The following KIAA2013 variants were observed in gnomAD, a reference collection of about 807,000 sequenced individuals.
KIAA2013 encodes uncharacterized protein KIAA2013.
In KIAA2013, 20 loss-of-function variants were observed where a neutral mutation model predicts 39.9. The observed-to-expected ratio is 0.50, with a 90% CI of 0.35 to 0.73. KIAA2013 has a LOEUF of 0.73. Ranked by LOEUF, KIAA2013 falls within the 30% of genes least tolerant of loss-of-function variation. The pLI is 0.01. For missense variants in KIAA2013, 587 were observed against 856.1 expected (o/e 0.69, Z 3.92); for synonymous variants, 336 against 416.6 (o/e 0.81, Z 2.35).
chr1:11,925,231 A>C lies in KIAA2013; in HGVS notation c.1007T>G (p.Leu336Arg), dbSNP rs147432421. 5.1e-4 allele frequency: 815 copies of C among 1,597,612 alleles called. No homozygotes were observed. Among genetic ancestry groups the C allele is most frequent in the Non-Finnish European group, 6.5e-4 (764 of 1,171,142 alleles). Residue 336 changes from leucine to arginine, a missense_variant, in exon 1 of 3, where the codon CTC (leucine) becomes CGC (arginine). Coordinates refer to ENST00000376572, the MANE Select transcript of KIAA2013 (RefSeq NM_138346.3). The surrounding 1 kb of genome is among the most constrained non-coding windows in gnomAD (Gnocchi z 5.2). ...TGGGCTGAAGAGCTGAGCCCAGAGG[A>C]GCTGGTGGTCTTGAAGCAGCTCCGC... ...PAAELLQDHQLLWAQLFSPGV... is the reference protein window; with the variant it reads ...PAAELLQDHQRLWAQLFSPGV...
Position 11,922,898 on chromosome 1 carries a change from G to T in KIAA2013, c.1625C>A (p.Thr542Asn). 6.2e-7 allele frequency: 1 copy of T among 1,612,070 alleles called. No individual in the cohort carries two copies. The highest frequency in any genetic ancestry group is 8.5e-7 in the Non-Finnish European group (1 of 1,178,870). ...GGGCTGTGTCACCATGACCGAGAAG[G>T]TGTGGCCCGTGGGCGCCGAGGTCAG... ...VELTSAPTGH[T>N]FSVMVTQPIT... Residue 542 changes from threonine (T) to asparagine (N), a missense_variant, in exon 2 of 3, where the codon ACC (threonine) becomes AAC (asparagine). Physicochemically the swap from Thr to Asn is moderately conservative, Grantham distance 65. Transcript: ENST00000376572.
chr1:11,925,700 C>T lies in KIAA2013; in HGVS notation c.538G>A (p.Gly180Arg), dbSNP rs1303516524. 9.4e-6 allele frequency: 15 copies of T among 1,589,462 alleles called. No homozygotes were observed. Among genetic ancestry groups the T allele is most frequent in the African/African-American group, 1.3e-5 (1 of 74,716 alleles). ...AGCAGCACGCAGTCGCGGCCGGACC[C>T]CGCGGCAAGGCCAGAGACGGAGGCG... ...GPASVSGLAA[G>R]SGRDCVLLQE... The change falls in exon 1 of 3, where the codon GGG becomes AGG. Residue 180 changes from glycine (G) to arginine (R), a missense_variant. By Grantham distance (125) the Gly-to-Arg change is moderately radical (BLOSUM62 -2). Coordinates refer to ENST00000376572, the MANE Select transcript of KIAA2013 (RefSeq NM_138346.3). The surrounding 1 kb of genome is among the most constrained non-coding windows in gnomAD (Gnocchi z 5.2).
chr1:11,921,572 C>G (rs1012619188), intron 2 of KIAA2013, among the ~76,000 whole-genome samples: 1 of 151,628 alleles, frequency 6.6e-6, no homozygotes, highest in Admixed American at 6.6e-5. Context: ...TTTTTTGAGA[C>G]AGAGTCTCAC....
At position 11,923,359 on chromosome 1, in the gene KIAA2013, G is replaced by A. The variant is rs746334208; in HGVS notation, c.1164C>T (p.Asp388=). ...CATAGTTGAGCGTCGACTCCATCTG[G>A]TCTCGCTCCCTGTGGCTCAGGGAGG... ...LSPSLSHRER[D]QMESTLNYED... Residue 388 remains aspartate (D), a synonymous_variant, in exon 2 of 3, where the codon GAC becomes GAT. Transcript: ENST00000376572. The surrounding 1 kb of genome is among the most constrained non-coding windows in gnomAD (Gnocchi z 4.6). 3 of 1,613,346 alleles carry A rather than the reference G, an allele frequency of 1.9e-6. No homozygotes were observed. Among genetic ancestry groups the A allele is most frequent in the Non-Finnish European group, 2.5e-6 (3 of 1,180,028 alleles).
At position 11,926,093 on chromosome 1, in the gene KIAA2013, G is replaced by A; in HGVS notation, c.145C>T (p.Leu49=). 1 of 1,431,206 alleles carries A rather than the reference G, an allele frequency of 7.0e-7. No individual in the cohort carries two copies. Among genetic ancestry groups the A allele is most frequent in the Non-Finnish European group, 9.2e-7 (1 of 1,091,442 alleles). The allele number at this position is 1,431,206 out of a possible 1,614,324, so 88.7% of individuals were successfully genotyped here. Residue 49 remains leucine (L), a synonymous_variant, in exon 1 of 3, where the codon CTG becomes TTG. Transcript: ENST00000376572. ...GARRAAGGLH[L]LPWSRGEPGA... ...GGCTCACCGCGGGACCAGGGCAGCA[G>A]GTGCAGGCCGCCCGCCGCCCGCCGC...
Position 11,925,182 on chromosome 1 carries a change from A to C in KIAA2013, c.1033+23T>G. The C allele has an allele frequency of 1.3e-6, 2 of 1,543,050 alleles. No homozygotes were observed. Among genetic ancestry groups the C allele is most frequent in the Non-Finnish European group, 1.7e-6 (2 of 1,144,906 alleles). On this transcript the variant is annotated intron_variant, in intron 1 of 2. Coordinates refer to ENST00000376572, the MANE Select transcript of KIAA2013 (RefSeq NM_138346.3). This position sits in a 1 kb window ranked among gnomAD's most constrained non-coding sequence, Gnocchi z 5.2. ...CTTGGGAGGGACATATCTAGGGTGG[A>C]CCAAGCGCTGGCCAGGACTCACCTG...
chr1:11,922,149 C>G (rs1390152984), intron 2 of KIAA2013: 1 of 169,344 alleles, frequency 5.9e-6, no homozygotes, highest in Non-Finnish European at 1.1e-5. Context: ...GGCCCTGCCT[C>G]TAATTTTTTT....
At position 11,923,554 on chromosome 1, in the gene KIAA2013, A is replaced by G; in HGVS notation, c.1034-65T>C. The G allele has an allele frequency of 1.3e-6, 2 of 1,537,408 alleles. No individual in the cohort carries two copies. Among genetic ancestry groups the G allele is most frequent in the Non-Finnish European group, 1.8e-6 (2 of 1,131,644 alleles). On this transcript the variant is annotated intron_variant, in intron 1 of 2. Transcript: ENST00000376572. The surrounding 1 kb of genome is among the most constrained non-coding windows in gnomAD (Gnocchi z 4.6). ...AGCTGGGAGGCAGAGCATACGAAAT[A>G]AAGACCAAGGGCAGCAGAAGAGTGA...
At chr1:11,921,351 C>T (rs1327467681) in intron 2 of KIAA2013, among the ~76,000 whole-genome samples, 3 of 152,012 alleles carry the variant, frequency 2.0e-5, no homozygotes, top group Admixed American at 6.6e-5. Flanking sequence ...AACTTGAGGG[C>T]AATGCTTCTG....
rs750784762 is a variant in KIAA2013 at position 11,925,155 on chromosome 1, G to C, written c.1033+50C>G. 52 of 1,496,122 alleles carry C rather than the reference G, an allele frequency of 3.5e-5. No homozygotes were observed. Among genetic ancestry groups the C allele is most frequent in the Non-Finnish European group, 4.6e-5 (51 of 1,116,666 alleles). The allele number at this position is 1,496,122 out of a possible 1,614,324, so 92.7% of individuals were successfully genotyped here. ...CATCACCTTCAGTGTCACCTCTGCAGACTTGGGAGGGACATATCTAGGGTG... is the reference window on the plus strand; with the variant it reads ...CATCACCTTCAGTGTCACCTCTGCACACTTGGGAGGGACATATCTAGGGTG... On this transcript the variant is annotated intron_variant, in intron 1 of 2. Coordinates refer to ENST00000376572, the MANE Select transcript of KIAA2013 (RefSeq NM_138346.3). This position sits in a 1 kb window ranked among gnomAD's most constrained non-coding sequence, Gnocchi z 5.2.
chr1:11,923,188 C>T lies in KIAA2013; in HGVS notation c.1335G>A (p.Val445=). The change falls in exon 2 of 3, where the codon GTG becomes GTA. Residue 445 remains valine (V), a synonymous_variant. Coordinates refer to ENST00000376572, the MANE Select transcript of KIAA2013 (RefSeq NM_138346.3). This position sits in a 1 kb window ranked among gnomAD's most constrained non-coding sequence, Gnocchi z 4.6. ...QKRGCKGLVK[V]GAPGILQGMV... ...TCCCCTGCAGGATGCCTGGGGCACC[C>T]ACCTTCACCAGCCCCTTGCAGCCAC... 1 of 1,613,690 alleles carries T rather than the reference C, an allele frequency of 6.2e-7. No individual in the cohort carries two copies. Among genetic ancestry groups the T allele is most frequent in the African/African-American group, 1.3e-5 (1 of 75,050 alleles).
At position 11,923,369 on chromosome 1, in the gene KIAA2013, C is replaced by T; in HGVS notation, c.1154G>A (p.Arg385Lys). Residue 385 changes from arginine (R) to lysine (K), a missense_variant, in exon 2 of 3, where the codon AGG becomes AAG. Coordinates refer to ENST00000376572, the MANE Select transcript of KIAA2013 (RefSeq NM_138346.3). This position sits in a 1 kb window ranked among gnomAD's most constrained non-coding sequence, Gnocchi z 4.6. ...CGTCGACTCCATCTGGTCTCGCTCCCTGTGGCTCAGGGAGGGGCTGAGCAG... is the reference window on the plus strand; with the variant it reads ...CGTCGACTCCATCTGGTCTCGCTCCTTGTGGCTCAGGGAGGGGCTGAGCAG... ...APLLSPSLSH[R>K]ERDQMESTLN... is the part of the protein sequence containing the mutation. 1 of 1,613,348 alleles carries T rather than the reference C, an allele frequency of 6.2e-7. No homozygotes were observed. Among genetic ancestry groups the T allele is most frequent in the South Asian group, 1.1e-5 (1 of 91,074 alleles).
Position 11,926,048 on chromosome 1 carries a change from C to G in KIAA2013, c.190G>C (p.Ala64Pro). ...RGEPGAAEPSACLEAATRAWR... is the reference protein window; with the variant it reads ...RGEPGAAEPSPCLEAATRAWR... ...GCGCGGGTGGCCGCCTCCAGGCAGG[C>G]AGACGGCTCGGCGGCGCCCGGCTCA... is the stretch of plus-strand genomic sequence containing the variant. Residue 64 changes from alanine (A) to proline (P), a missense_variant, in exon 1 of 3, where the codon GCC becomes CCC. Ala to Pro is a conservative substitution (Grantham distance 27, BLOSUM62 -1). Transcript: ENST00000376572. 2 of 1,487,136 alleles carry G rather than the reference C, an allele frequency of 1.3e-6. No individual in the cohort carries two copies. The highest frequency in any genetic ancestry group is 2.5e-5 in the South Asian group (2 of 78,876). 92.1% of individuals were successfully genotyped at this position (1,487,136 alleles called of 1,614,324 possible).
intron 2 of KIAA2013, among the ~76,000 whole-genome samples, chr1:11,920,610 G>A (rs1471211678): frequency 1.3e-5 from 2 of 152,212 alleles, no homozygotes; most frequent in Non-Finnish European, 2.9e-5. Context: ...AGGAACCGAA[G>A]GTGCACTCAA....
Position 11,925,777 on chromosome 1 carries a change from C to A in KIAA2013, c.461G>T (p.Cys154Phe), listed in dbSNP as rs1256109077. The A allele has an allele frequency of 2.6e-6, 4 of 1,544,520 alleles. No individual in the cohort carries two copies. The highest frequency in any genetic ancestry group is 1.9e-5 in the Admixed American group (1 of 51,792). Reference sequence around the variant, plus strand: ...AGGACCTGGGGACCCCAGCTGCAGGCAACGCACGCGGCGCAGAAGCCCCTC... The same window carrying A: ...AGGACCTGGGGACCCCAGCTGCAGGAAACGCACGCGGCGCAGAAGCCCCTC... The part of the protein sequence containing the change: ...LREGLLRRVR[C>F]LQLGSPGPGP... Residue 154 changes from cysteine to phenylalanine, a missense_variant, in exon 1 of 3, where the codon TGC (cysteine) becomes TTC (phenylalanine). Cys to Phe is a radical substitution (Grantham distance 205). Transcript: ENST00000376572. This position sits in a 1 kb window ranked among gnomAD's most constrained non-coding sequence, Gnocchi z 5.2.
rs1364311724 is a variant in KIAA2013 at position 11,923,942 on chromosome 1, T to G, written c.1034-453A>C. The stretch of plus-strand genomic sequence containing the variant: ...CAGGCTTGAGTGCAGTGGAACGATC[T>G]CAGGTTACTACAGCCTCCGCCTCCC... On this transcript the variant is annotated intron_variant, in intron 1 of 2. Transcript: ENST00000376572. This position sits in a 1 kb window ranked among gnomAD's most constrained non-coding sequence, Gnocchi z 4.6. Among the ~76,000 whole-genome samples, 4 of 152,172 alleles carry G rather than the reference T, an allele frequency of 2.6e-5. No individual in the cohort carries two copies.
rs1645497863 is a variant in KIAA2013, at chr1:11,925,123, A to AC, written c.1033+81dup. On this transcript the variant is annotated intron_variant, in intron 1 of 2. Coordinates refer to ENST00000376572, the MANE Select transcript of KIAA2013 (RefSeq NM_138346.3). This position sits in a 1 kb window ranked among gnomAD's most constrained non-coding sequence, Gnocchi z 5.2. ...GAAACGCCAAGCCCAAGTTTCAACC[A>AC]CCCCACCATCACCTTCAGTGTCACC... The AC allele has an allele frequency of 3.0e-6, 4 of 1,336,254 alleles. No homozygotes were observed. The highest frequency in any genetic ancestry group is 3.0e-5 in the South Asian group (2 of 67,442). The allele number at this position is 1,336,254 out of a possible 1,614,324, so 82.8% of individuals were successfully genotyped here.
At position 11,925,407 on chromosome 1, in the gene KIAA2013, G is replaced by T. The variant is rs767908249; in HGVS notation, c.831C>A (p.Pro277=). Residue 277 remains proline (P), a synonymous_variant, in exon 1 of 3, where the codon CCC becomes CCA. Transcript: ENST00000376572. The surrounding 1 kb of genome is among the most constrained non-coding windows in gnomAD (Gnocchi z 5.2). ...GCACCGTCTCATCCAGCTGCGTCTT[G>T]GGAGCCACTTGGAGGCGGTTCACCA... ...KKLVNRLQVA[P]KTQLDETVLW... 1 of 1,613,612 alleles carries T rather than the reference G, an allele frequency of 6.2e-7. No homozygotes were observed. Among genetic ancestry groups the T allele is most frequent in the Non-Finnish European group, 8.5e-7 (1 of 1,179,828 alleles).
In KIAA2013 at chr1:11,923,063, C is replaced by T. The variant is rs1356518749; in HGVS notation, c.1460G>A (p.Arg487His). Residue 487 changes from arginine to histidine, a missense_variant, in exon 2 of 3, where the codon CGC becomes CAC. Coordinates refer to ENST00000376572, the MANE Select transcript of KIAA2013 (RefSeq NM_138346.3). The surrounding 1 kb of genome is among the most constrained non-coding windows in gnomAD (Gnocchi z 4.6). ...CAGGTTGATATGGTCGTTCTTGTAGCGGATGCCATGCAATGCATAGCTGTT... is the reference window on the plus strand; with the variant it reads ...CAGGTTGATATGGTCGTTCTTGTAGTGGATGCCATGCAATGCATAGCTGTT... ...LHNSYALHGI[R>H]YKNDHINLAV... The T allele has an allele frequency of 3.7e-6, 6 of 1,610,952 alleles. No homozygotes were observed. Among genetic ancestry groups the T allele is most frequent in the Admixed American group, 1.7e-5 (1 of 59,964 alleles).
Sources: allele counts gnomAD v4.1 joint callset (sites outside exome capture counted in the v4.1 genomes callset), GRCh38; gene constraint gnomAD v4.1.1; non-coding constraint Gnocchi (gnomAD v3.1); transcripts MANE v1.5; gene names NCBI Gene and HGNC (gene_info 2026-07-23, HGNC 2026-07-21).